UBE2Z: variants seen among roughly 807,000 people sequenced by gnomAD.
UBE2Z encodes ubiquitin conjugating enzyme E2 Z.
A neutral mutation model predicts 32.6 loss-of-function variants in UBE2Z; 10 were observed. The observed-to-expected ratio is 0.31, with a 90% CI of 0.19 to 0.52. The LOEUF (loss-of-function observed/expected upper bound fraction) is 0.52. Ranked by LOEUF, UBE2Z falls within the 20% of genes least tolerant of loss-of-function variation. UBE2Z has a pLI of 0.97. For synonymous variants in UBE2Z, 183 were observed against 190.8 expected, an observed-to-expected ratio of 0.96 and a Z score of 0.34; for missense variants, 343 against 480.9, an observed-to-expected ratio of 0.71 and a Z score of 2.68.
At chr17:48,923,359 G>A (rs1488386508) in intron 6 of UBE2Z, among the ~76,000 whole-genome samples, 1 of 146,864 alleles carries the variant, frequency 6.8e-6, no homozygotes, top group East Asian at 2.0e-4. Context: ...AGCCAGGCGC[G>A]GTGGCTCACG....
Position 48,908,835 on chromosome 17 carries a change from T to G in UBE2Z, c.317+15T>G. 1 of 1,478,834 alleles carries G rather than the reference T, an allele frequency of 6.8e-7. No individual in the cohort carries two copies. The highest frequency in any genetic ancestry group is 8.9e-7 in the Non-Finnish European group (1 of 1,117,676). The allele number at this position is 1,478,834 out of a possible 1,614,324, so 91.6% of individuals were successfully genotyped here. A position where few individuals can be genotyped will look rare whatever the true frequency, so the allele number is the denominator to read the frequency against. On this transcript the variant is annotated intron_variant, in intron 1 of 6. Transcript: ENST00000360943. The stretch of plus-strand genomic sequence containing the variant: ...CGGATCAAGCGGTGAGCCGGGGTTT[T>G]TCCTCCCCCAGCCCCGAGCTCCGGG...
chr17:48,915,395 A>T (rs140420222), intron 3 of UBE2Z, among the ~76,000 whole-genome samples: 1 of 152,272 alleles, frequency 6.6e-6, no homozygotes, highest in Non-Finnish European at 1.5e-5. Flanking sequence ...ATTGAGCTAA[A>T]AATAAATGTC....
Position 48,916,379 on chromosome 17 carries a change from A to C in UBE2Z, c.690+192A>C, listed in dbSNP as rs535224726. On this transcript the variant is annotated intron_variant, in intron 4 of 6. Coordinates refer to ENST00000360943, the MANE Select transcript of UBE2Z (RefSeq NM_023079.5). ...CAAGCCATTCTGTCTCAGCCTCCCAAGTAGCTGGGACTACAGGCGTGTACC... is the reference window on the plus strand; with the variant it reads ...CAAGCCATTCTGTCTCAGCCTCCCACGTAGCTGGGACTACAGGCGTGTACC... Among the ~76,000 whole-genome samples, 19 of 150,422 alleles carry C rather than the reference A, an allele frequency of 1.3e-4. No homozygotes were observed. The East Asian group carries it at 3.0e-3, about 24-fold the overall frequency.
At chr17:48,915,029 AAG>A (rs2040709250) in intron 3 of UBE2Z, among the ~76,000 whole-genome samples, 2 of 152,278 alleles carry the variant, frequency 1.3e-5, no homozygotes, top group South Asian at 4.1e-4. Context: ...TCAAAAAAGA[AAG>A]AAAAGAAAAT....
At chr17:48,924,793 CTG>C (rs1435117096) in intron 6 of UBE2Z, among the ~76,000 whole-genome samples, 1 of 132,216 alleles carries the variant, frequency 7.6e-6, no homozygotes, top group Non-Finnish European at 1.5e-5. Context: ...TTGCAGTAAA[CTG>C]AGATTGCACT....
intron 4 of UBE2Z, among the ~76,000 whole-genome samples, chr17:48,917,046 C>G (rs770631291): frequency 7.9e-5 from 12 of 151,966 alleles, no homozygotes; most frequent in Non-Finnish European, 1.6e-4. Flanking sequence ...GTGGCTCACA[C>G]CTGTAATCCC....
At chr17:48,923,343 A>T (rs2040776444) in intron 6 of UBE2Z, among the ~76,000 whole-genome samples, 2 of 150,438 alleles carry the variant, frequency 1.3e-5, no homozygotes, top group South Asian at 2.1e-4. Flanking sequence ...AAAAAAAAAA[A>T]AAAATAGCCA....
intron 2 of UBE2Z, chr17:48,911,119 CT>C: frequency 1.9e-6 from 1 of 513,786 alleles, no homozygotes; most frequent in South Asian, 2.6e-5. Context: ...CAGTTCATGT[CT>C]GTTGTCGCAG....
chr17:48,916,061 C>G lies in UBE2Z; in HGVS notation c.579-15C>G, dbSNP rs35929840. On this transcript the variant is annotated splice_polypyrimidine_tract_variant and intron_variant, in intron 3 of 6. Coordinates refer to ENST00000360943, the MANE Select transcript of UBE2Z (RefSeq NM_023079.5). ...TTCTCTGCCTCACCCTCCATTCCTT[C>G]TGATGTGTTTACAGTACATGGACTG... 6.4e-7 allele frequency: 1 copy of G among 1,563,896 alleles called. No individual in the cohort carries two copies. Among genetic ancestry groups the G allele is most frequent in the African/African-American group, 1.4e-5 (1 of 72,018 alleles).
Position 48,922,956 on chromosome 17 carries a change from C to T in UBE2Z, c.894+19C>T, listed in dbSNP as rs781087203. The T allele has an allele frequency of 1.3e-6, 2 of 1,598,108 alleles. No homozygotes were observed. Among genetic ancestry groups the T allele is most frequent in the East Asian group, 2.2e-5 (1 of 44,532 alleles). ...TATGCAGGTAATACAACCCCTGCTG[C>T]TAATTGCAGAAGCCCTACAGCTGGC... On this transcript the variant is annotated intron_variant, in intron 6 of 6. Transcript: ENST00000360943.
intron 4 of UBE2Z, among the ~76,000 whole-genome samples, chr17:48,919,094 TTTTA>T (rs887469895): frequency 4.0e-5 from 6 of 151,698 alleles, no homozygotes; most frequent in Admixed American, 1.3e-4. Context: ...GTTGTTTTTA[TTTTA>T]TTTATTTATT....
chr17:48,912,686 A>G (rs1470122039), intron 2 of UBE2Z, 148 bp from the exon 3 acceptor site: 3 of 787,900 alleles, frequency 3.8e-6, no homozygotes, highest in African/African-American at 1.7e-5. Context: ...GAGTGAATAC[A>G]GGATGTTCCT....
At chr17:48,913,973 G>A (rs1006974223) in intron 3 of UBE2Z, among the ~76,000 whole-genome samples, 1 of 152,098 alleles carries the variant, frequency 6.6e-6, no homozygotes, top group Non-Finnish European at 1.5e-5. Context: ...TTGTCCTCAA[G>A]CAGTCGTCCT....
chr17:48,926,732 C>T (rs1420951897), intron 6 of UBE2Z, among the ~76,000 whole-genome samples: 1 of 152,152 alleles, frequency 6.6e-6, no homozygotes, highest in Non-Finnish European at 1.5e-5. Flanking sequence ...CCGCCCGCCT[C>T]GGCCGCCCAA....
rs1227322017 is a variant in UBE2Z, at chr17:48,913,022, G to A, written c.578+1G>A. 1 of 1,612,520 alleles carries A rather than the reference G, an allele frequency of 6.2e-7. No individual in the cohort carries two copies. The highest frequency in any genetic ancestry group is 8.5e-7 in the Non-Finnish European group (1 of 1,178,756). Reference sequence around the variant, plus strand: ...GGAAAGTCTGCTTGAGTATTCTAGGGTAAGAGGAGACTTTTAAGTAGCCAA... The same window carrying A: ...GGAAAGTCTGCTTGAGTATTCTAGGATAAGAGGAGACTTTTAAGTAGCCAA... On this transcript the variant is annotated splice_donor_variant, in intron 3 of 6. Coordinates refer to ENST00000360943, the MANE Select transcript of UBE2Z (RefSeq NM_023079.5). LOFTEE classifies it high-confidence loss of function.
chr17:48,914,082 C>T (rs1440434984), intron 3 of UBE2Z, among the ~76,000 whole-genome samples: 11 of 152,166 alleles, frequency 7.2e-5, no homozygotes, highest in Admixed American at 6.5e-5. Flanking sequence ...TTGGAAATCA[C>T]ATTAGATATG....
intron 6 of UBE2Z, 88 bp downstream of exon 6, chr17:48,923,025 G>C: frequency 1.6e-6 from 2 of 1,218,984 alleles, no homozygotes; most frequent in Non-Finnish European, 2.3e-6. Flanking sequence ...AGCTGTCATA[G>C]AATGACACAG....
intron 3 of UBE2Z, among the ~76,000 whole-genome samples, chr17:48,913,789 A>G (rs2040698830): frequency 6.6e-6 from 1 of 152,078 alleles, no homozygotes; most frequent in African/African-American, 2.4e-5. Flanking sequence ...GCCATTCAAG[A>G]TTTGGGGTGT....
At chr17:48,924,013 G>T (rs2040781000) in intron 6 of UBE2Z, among the ~76,000 whole-genome samples, 1 of 152,194 alleles carries the variant, frequency 6.6e-6, no homozygotes, top group African/African-American at 2.4e-5. Flanking sequence ...ACGCCATCAT[G>T]CCCAGCTAAT....
Sources: gnomAD v4.1 joint callset for allele counts (sites outside exome capture counted in the v4.1 genomes callset) on GRCh38, gnomAD v4.1.1 for gene constraint, MANE v1.5 for transcripts, NCBI Gene and HGNC (gene_info 2026-07-23, HGNC 2026-07-21) for gene names.